Variants in SUCLG2 observed in about 807,000 individuals in gnomAD.
SUCLG2 encodes succinate-CoA ligase GDP-forming subunit beta, also known as succinate--CoA ligase [GDP-forming] subunit beta, mitochondrial.
A neutral mutation model predicts 47.9 loss-of-function variants in SUCLG2; 42 were observed. The observed-to-expected ratio is 0.88, with a 90% CI of 0.69 to 1.14. SUCLG2 has a LOEUF of 1.14. SUCLG2 is among the 50% of genes most tolerant of loss of function. SUCLG2 has a pLI of 0.00. For missense variants in SUCLG2, 571 were observed against 525.9 expected, an observed-to-expected ratio of 1.09 and a Z score of -0.84; for synonymous variants, 195 against 197.3, an observed-to-expected ratio of 0.99 and a Z score of 0.10.
chr3:67,566,137 A>G (rs956571594), intron 2 of SUCLG2, among the ~76,000 whole-genome samples: 1 of 152,192 alleles, frequency 6.6e-6, no homozygotes, highest in Admixed American at 6.5e-5. Flanking sequence ...CTCAAGCATC[A>G]GGCAGCTGAT....
chr3:67,648,539 T>C (rs1023517455), intron 1 of SUCLG2, among the ~76,000 whole-genome samples: 1 of 152,186 alleles, frequency 6.6e-6, no homozygotes, highest in Admixed American at 6.5e-5. Flanking sequence ...TCCCTGGCAC[T>C]GTGATTTTAA....
At chr3:67,587,873 G>C (rs557658968) in intron 2 of SUCLG2, among the ~76,000 whole-genome samples, 301 of 152,072 alleles carry the variant, frequency 2.0e-3, no homozygotes, top group African/African-American at 7.0e-3. Context: ...CCTTTAAACA[G>C]GCCCTAAAAA....
chr3:67,586,749 G>T (rs1183117017), intron 2 of SUCLG2, among the ~76,000 whole-genome samples: 1 of 152,174 alleles, frequency 6.6e-6, no homozygotes, highest in Non-Finnish European at 1.5e-5. Context: ...ACAGGTGGAG[G>T]TTCCAATTCC....
chr3:67,612,246 C>G (rs1237099409), intron 1 of SUCLG2, among the ~76,000 whole-genome samples: 1 of 151,970 alleles, frequency 6.6e-6, no homozygotes, highest in Admixed American at 6.6e-5. Context: ...ACAGTACCAG[C>G]TAATTGGGTG....
intron 2 of SUCLG2, among the ~76,000 whole-genome samples, chr3:67,563,959 C>CAAAAAA (rs756674869): frequency 7.7e-5 from 6 of 78,108 alleles, no homozygotes; most frequent in Admixed American, 2.4e-4. Context: ...GACTCTGTCT[C>CAAAAAA]AAAAAAAAAA....
At chr3:67,640,773 TTCATTTAC>T (rs768659737) in intron 1 of SUCLG2, among the ~76,000 whole-genome samples, 4 of 152,248 alleles carry the variant, frequency 2.6e-5, no homozygotes, top group Admixed American at 6.5e-5. Context: ...TTCATTATTG[TTCATTTAC>T]AATCAGCTTT....
intron 9 of SUCLG2, among the ~76,000 whole-genome samples, chr3:67,477,210 T>C (rs1704785867): frequency 6.6e-6 from 1 of 152,122 alleles, no homozygotes; most frequent in Non-Finnish European, 1.5e-5. Flanking sequence ...CCCAAGAAGT[T>C]GATTTAATTG....
chr3:67,630,076 A>G (rs565113790), intron 1 of SUCLG2, among the ~76,000 whole-genome samples: 24 of 152,322 alleles, frequency 1.6e-4, no homozygotes, highest in African/African-American at 5.8e-4. Context: ...AAAATAAAAA[A>G]AAACTTTTCA....
intron 6 of SUCLG2, among the ~76,000 whole-genome samples, chr3:67,510,688 T>G (rs995114515): frequency 6.6e-6 from 1 of 152,190 alleles, no homozygotes; most frequent in African/African-American, 2.4e-5. Context: ...CTTACTGTAT[T>G]GATATGCTAT....
intron 9 of SUCLG2, among the ~76,000 whole-genome samples, chr3:67,425,906 T>G (rs372966996): frequency 6.6e-6 from 1 of 152,246 alleles, no homozygotes; most frequent in Non-Finnish European, 1.5e-5. Context: ...TAGCCTCAAA[T>G]AGAGACTTGT....
chr3:67,644,410 G>A (rs1701156439), intron 1 of SUCLG2, among the ~76,000 whole-genome samples: 2 of 152,098 alleles, frequency 1.3e-5, no homozygotes, highest in African/African-American at 2.4e-5. Flanking sequence ...AATCTTTTTA[G>A]ATAAGGTTCC....
chr3:67,579,352 C>T (rs1483365198), intron 2 of SUCLG2, among the ~76,000 whole-genome samples: 4 of 152,050 alleles, frequency 2.6e-5, no homozygotes, highest in African/African-American at 9.7e-5. Flanking sequence ...TTAATTAATG[C>T]CAAGTGCTCA....
intron 2 of SUCLG2, among the ~76,000 whole-genome samples, chr3:67,589,914 G>C (rs1219035241): frequency 6.6e-6 from 1 of 152,184 alleles, no homozygotes; most frequent in Non-Finnish European, 1.5e-5. Flanking sequence ...TCACTCTGAA[G>C]GTATGTTTGT....
At chr3:67,363,201 T>C (rs987785543) in intron 10 of SUCLG2, among the ~76,000 whole-genome samples, 1 of 152,180 alleles carries the variant, frequency 6.6e-6, no homozygotes, top group African/African-American at 2.4e-5. Context: ...TATAAATCTT[T>C]GGATAGAGAA....
chr3:67,509,701 G>A (rs1444838566), intron 6 of SUCLG2, among the ~76,000 whole-genome samples: 2 of 152,208 alleles, frequency 1.3e-5, no homozygotes, highest in Non-Finnish European at 2.9e-5. Context: ...AGCATGTGAT[G>A]CACAGAGCAA....
At chr3:67,528,032 A>G in intron 4 of SUCLG2, 100 bp downstream of exon 4, 1 of 1,030,146 alleles carries the variant, frequency 9.7e-7, no homozygotes, top group Non-Finnish European at 1.4e-6. Flanking sequence ...CACACTGCCA[A>G]AGAGCAGTAC....
intron 2 of SUCLG2, among the ~76,000 whole-genome samples, chr3:67,576,757 T>C (rs2107248221): frequency 6.6e-6 from 1 of 152,286 alleles, no homozygotes; most frequent in Middle Eastern, 3.4e-3. Flanking sequence ...TAAATAAAAA[T>C]ATCTCAAACT....
At chr3:67,479,641 G>C (rs4292247) in intron 9 of SUCLG2, among the ~76,000 whole-genome samples, 26,500 of 152,186 alleles carry the variant, frequency 0.17, 3,818 homozygotes, top group African/African-American at 0.38. Context: ...AGCGCTAAGA[G>C]TGATTAAATG....
At chr3:67,578,014 G>C (rs7643495) in intron 2 of SUCLG2, among the ~76,000 whole-genome samples, 49 of 151,766 alleles carry the variant, frequency 3.2e-4, no homozygotes, top group African/African-American at 8.7e-4. Flanking sequence ...GTGAAGTAAG[G>C]GGGGAAGACC....
Sources: gnomAD v4.1 joint callset for allele counts (sites outside exome capture counted in the v4.1 genomes callset) on GRCh38, gnomAD v4.1.1 for gene constraint, MANE v1.5 for transcripts, NCBI Gene and HGNC (gene_info 2026-07-23, HGNC 2026-07-21) for gene names.